Variants in CDH4 observed in about 807,000 individuals in gnomAD.
CDH4 encodes the protein cadherin-4.
CDH4 carries 33 observed loss-of-function variants against 86.0 expected under a neutral mutation model. The ratio of observed to expected loss-of-function variants is 0.38; its 90% confidence interval spans 0.29 to 0.51. The LOEUF is 0.51. Ranked by LOEUF, CDH4 falls within the 20% of genes least tolerant of loss-of-function variation. The probability of loss-of-function intolerance (pLI) is 0.86; values close to 1 mark genes in which losing one functional copy is unlikely to be tolerated. For synonymous variants in CDH4, 555 were observed against 549.4 expected (o/e 1.01, Z -0.14); for missense variants, 1,114 against 1,307.4 (o/e 0.85, Z 2.28).
intron 2 of CDH4, among the ~76,000 whole-genome samples, chr20:61,586,236 T>G (rs1480044615): frequency 1.3e-5 from 2 of 151,956 alleles, no homozygotes; most frequent in African/African-American, 4.8e-5. Context: ...ATGATCATGG[T>G]CATGATGATG....
chr20:61,928,122 T>G, intron 11 of CDH4, 68 bp from the exon 12 acceptor site: 1 of 1,184,870 alleles, frequency 8.4e-7, no homozygotes, highest in Non-Finnish European at 1.2e-6. Context: ...GCGTGTCCTG[T>G]GTGGAGCTGT....
intron 2 of CDH4, among the ~76,000 whole-genome samples, chr20:61,688,614 C>T (rs1350851211): frequency 6.6e-6 from 1 of 152,232 alleles, no homozygotes; most frequent in Non-Finnish European, 1.5e-5. Context: ...ATCTCTGCAG[C>T]TCCGGAGCCT....
At chr20:61,873,141 C>T (rs1983877366) in intron 6 of CDH4, among the ~76,000 whole-genome samples, 1 of 152,212 alleles carries the variant, frequency 6.6e-6, no homozygotes, top group Non-Finnish European at 1.5e-5. Context: ...TGCCAGCGGC[C>T]CCCAGTCCCA....
intron 2 of CDH4, among the ~76,000 whole-genome samples, chr20:61,584,417 C>A (rs1209573692): frequency 6.6e-6 from 1 of 152,208 alleles, no homozygotes; most frequent in Non-Finnish European, 1.5e-5. Context: ...TCATCCCAGA[C>A]CGCATGCATT....
At chr20:61,622,331 G>A (rs1272847422) in intron 2 of CDH4, among the ~76,000 whole-genome samples, 1 of 152,264 alleles carries the variant, frequency 6.6e-6, no homozygotes, top group Non-Finnish European at 1.5e-5. Flanking sequence ...AAGGGGAGAG[G>A]CCCCTGCTAT....
intron 7 of CDH4, among the ~76,000 whole-genome samples, chr20:61,892,724 C>A (rs1456913813): frequency 6.6e-6 from 1 of 152,110 alleles, no homozygotes; most frequent in East Asian, 1.9e-4. Context: ...CCATTTATTT[C>A]TATTTATTTA....
intron 8 of CDH4, among the ~76,000 whole-genome samples, chr20:61,905,865 C>A (rs2054782966): frequency 6.6e-6 from 1 of 152,096 alleles, no homozygotes; most frequent in Admixed American, 6.5e-5. Flanking sequence ...CTGACCCTGG[C>A]AGCTTGAAAA....
At chr20:61,424,365 T>C (rs2085199415) in intron 2 of CDH4, among the ~76,000 whole-genome samples, 2 of 146,724 alleles carry the variant, frequency 1.4e-5, no homozygotes, top group African/African-American at 5.1e-5. Flanking sequence ...CACACACATA[T>C]CCACAAACAT....
chr20:61,421,923 T>C (rs1361278602), intron 2 of CDH4, among the ~76,000 whole-genome samples: 1 of 152,188 alleles, frequency 6.6e-6, no homozygotes, highest in African/African-American at 2.4e-5. Context: ...AACCGCAGCC[T>C]GGAGACCTTC....
At chr20:61,405,835 C>G (rs1179509415) in intron 2 of CDH4, among the ~76,000 whole-genome samples, 1 of 152,130 alleles carries the variant, frequency 6.6e-6, no homozygotes, top group Non-Finnish European at 1.5e-5. Flanking sequence ...CGCCCGCCAT[C>G]ACGCCCAGCT....
chr20:61,790,394 A>G (rs1600990855), intron 4 of CDH4, among the ~76,000 whole-genome samples: 1 of 138,144 alleles, frequency 7.2e-6, no homozygotes, highest in Non-Finnish European at 1.5e-5. Flanking sequence ...TCGTCTCTCT[A>G]CCCATCCCCT....
At chr20:61,553,090 G>A (rs1353970265) in intron 2 of CDH4, among the ~76,000 whole-genome samples, 1 of 152,186 alleles carries the variant, frequency 6.6e-6, no homozygotes, top group African/African-American at 2.4e-5. Context: ...CCAGACAGTG[G>A]AATATTCAGC....
intron 2 of CDH4, among the ~76,000 whole-genome samples, chr20:61,613,180 G>C (rs1983673): frequency 0.99 from 150,120 of 152,162 alleles, 74,060 homozygotes; most frequent in East Asian, 1. Flanking sequence ...GCCCCCTCTT[G>C]GTTTCACACT....
chr20:61,471,421 T>TC (rs2085502398), intron 2 of CDH4, among the ~76,000 whole-genome samples: 1 of 152,046 alleles, frequency 6.6e-6, no homozygotes, highest in Admixed American at 6.5e-5. Context: ...CTCTTTTTTT[T>TC]CTCAATCTAG....
At chr20:61,852,050 T>C (rs1468234622) in intron 5 of CDH4, among the ~76,000 whole-genome samples, 3 of 152,222 alleles carry the variant, frequency 2.0e-5, no homozygotes, top group Non-Finnish European at 4.4e-5. Context: ...GATTCAGCTC[T>C]TCCCTTTTCA....
At chr20:61,295,755 C>T (rs112322494) in intron 2 of CDH4, among the ~76,000 whole-genome samples, 1 of 152,158 alleles carries the variant, frequency 6.6e-6, no homozygotes, top group Non-Finnish European at 1.5e-5. Flanking sequence ...GCCAGGCAGA[C>T]CCCTGTCCCT....
intron 2 of CDH4, among the ~76,000 whole-genome samples, chr20:61,616,693 T>G (rs545365265): frequency 3.0e-4 from 45 of 152,264 alleles, no homozygotes; most frequent in African/African-American, 1.1e-3. Flanking sequence ...GCCACCACAA[T>G]GGGCTCTCTC....
At chr20:61,846,102 C>T (rs1982440074) in intron 5 of CDH4, among the ~76,000 whole-genome samples, 1 of 152,244 alleles carries the variant, frequency 6.6e-6, no homozygotes, top group Non-Finnish European at 1.5e-5. Context: ...GCCCCTGAGG[C>T]ACCGTCTGAA....
intron 2 of CDH4, among the ~76,000 whole-genome samples, chr20:61,713,812 T>C (rs6121458): frequency 1 from 152,292 of 152,310 alleles, 76,137 homozygotes; most frequent in Middle Eastern, 1. Flanking sequence ...CCCTACGTGG[T>C]TACTGAGACT....
Sources: gnomAD v4.1 joint callset for allele counts (sites outside exome capture counted in the v4.1 genomes callset) on GRCh38, gnomAD v4.1.1 for gene constraint, MANE v1.5 for transcripts, NCBI Gene and HGNC (gene_info 2026-07-23, HGNC 2026-07-21) for gene names.